GMEB1: variants seen among roughly 807,000 people sequenced by gnomAD.
GMEB1 encodes glucocorticoid modulatory element binding protein 1.
Under a neutral mutation model 52.4 loss-of-function variants are expected in GMEB1, and 6 were observed. That is an observed-to-expected ratio of 0.11 (90% CI 0.06 to 0.23). GMEB1 has a LOEUF of 0.23. Ranked by LOEUF, GMEB1 falls within the 10% of genes least tolerant of loss-of-function variation. The probability of loss-of-function intolerance (pLI) is 1.00; values close to 1 mark genes in which losing one functional copy is unlikely to be tolerated. For synonymous variants in GMEB1, 255 were observed against 244.9 expected, an observed-to-expected ratio of 1.04 and a Z score of -0.38; for missense variants, 486 against 685.6, an observed-to-expected ratio of 0.71 and a Z score of 3.25.
chr1:28,701,691 C>T (rs1461718790), intron 6 of GMEB1, among the ~76,000 whole-genome samples: 3 of 152,086 alleles, frequency 2.0e-5, no homozygotes, highest in Non-Finnish European at 4.4e-5. Flanking sequence ...ACCTCAGCCT[C>T]CTGAGTAGCT....
intron 2 of GMEB1, among the ~76,000 whole-genome samples, chr1:28,685,884 G>C (rs867022837): frequency 1.3e-5 from 2 of 152,026 alleles, no homozygotes; most frequent in African/African-American, 4.8e-5. Flanking sequence ...ACTTGAACCC[G>C]GGAGGCGGAA....
chr1:28,694,174 G>C (rs1425642457), intron 5 of GMEB1, among the ~76,000 whole-genome samples: 4 of 151,520 alleles, frequency 2.6e-5, no homozygotes, highest in Non-Finnish European at 5.9e-5. Context: ...TGTTGACATG[G>C]TCTGTGTGTT....
intron 9 of GMEB1, among the ~76,000 whole-genome samples, chr1:28,713,856 G>A (rs1671169575): frequency 6.6e-6 from 1 of 152,062 alleles, no homozygotes; most frequent in African/African-American, 2.4e-5. Flanking sequence ...GCTATAGTGC[G>A]CAATGATAGC....
At chr1:28,670,608 G>A (rs541914914) in intron 1 of GMEB1, among the ~76,000 whole-genome samples, 60 of 152,074 alleles carry the variant, frequency 3.9e-4, no homozygotes, top group Non-Finnish European at 7.6e-4. Context: ...GATTACAGGC[G>A]TGAATCACTG....
chr1:28,691,996 A>G (rs1177241265), intron 4 of GMEB1, among the ~76,000 whole-genome samples: 1 of 146,042 alleles, frequency 6.8e-6, no homozygotes, highest in Non-Finnish European at 1.5e-5. Flanking sequence ...GCCTGGGCAA[A>G]ATGGTGAGAC....
At chr1:28,675,016 G>A (rs1337331219) in intron 1 of GMEB1, among the ~76,000 whole-genome samples, 9 of 98,284 alleles carry the variant, frequency 9.2e-5, no homozygotes, top group Non-Finnish European at 1.9e-4. Context: ...ACCGCGCCCG[G>A]CCTTTTTTTT....
rs1157094477 is a variant in GMEB1, at chr1:28,687,381, C to CAAAAAAAAAAAAAAA, written c.129-2722_129-2721insAAAAAAAAAAAAAAA. Among the ~76,000 whole-genome samples, 26 of 27,162 alleles carry CAAAAAAAAAAAAAAA rather than the reference C, an allele frequency of 9.6e-4. 11 individuals are homozygous for CAAAAAAAAAAAAAAA. Among genetic ancestry groups the CAAAAAAAAAAAAAAA allele is most frequent in the Admixed American group, 2.6e-3 (5 of 1,944 alleles). The allele number at this position is 27,162 out of a possible 152,430, so 17.8% of individuals were successfully genotyped here. ...ACACACACACACACACACACACACA[C>CAAAAAAAAAAAAAAA]ACACACAAAAAAAGACAGTGGAGAA... On this transcript the variant is annotated intron_variant, in intron 2 of 9. Coordinates refer to ENST00000373816, the MANE Select transcript of GMEB1 (RefSeq NM_001319674.2).
intron 6 of GMEB1, 56 bp downstream of exon 6, chr1:28,697,140 C>G (rs1436783203): frequency 5.9e-5 from 47 of 796,078 alleles, no homozygotes; most frequent in Non-Finnish European, 7.7e-5. Context: ...GAACTTTCCC[C>G]CTTATTTCTC....
chr1:28,716,755 A>ATTTTG lies in GMEB1; in HGVS notation c.*1997_*2001dup, dbSNP rs1553141198. On this transcript the variant is annotated 3_prime_UTR_variant, in exon 10 of 10. Coordinates refer to ENST00000373816, the MANE Select transcript of GMEB1 (RefSeq NM_001319674.2). ...TAATAATGCTTTGGGGGGGGGGGTT[A>ATTTTG]TTTTGTTTTGTTTTGTTTTTAATGT... 1 of 145,546 alleles carries ATTTTG rather than the reference A, an allele frequency of 6.9e-6. No homozygotes were observed. 9.0% of individuals were successfully genotyped at this position (145,546 alleles called of 1,614,324 possible).
At chr1:28,706,989 T>TG (rs1217831003) in intron 8 of GMEB1, among the ~76,000 whole-genome samples, 16 of 134,088 alleles carry the variant, frequency 1.2e-4, no homozygotes, top group Non-Finnish European at 1.8e-4. Flanking sequence ...TTTTTTTTTT[T>TG]TTTTTTTTTT....
At chr1:28,695,537 C>G (rs1252947115) in intron 5 of GMEB1, among the ~76,000 whole-genome samples, 2 of 151,874 alleles carry the variant, frequency 1.3e-5, no homozygotes, top group Non-Finnish European at 1.5e-5. Flanking sequence ...CGGCCCACAT[C>G]ATTTTTTTAG....
rs1292632969 is a variant in GMEB1, at chr1:28,704,389, G to C, written c.868+60G>C. 2.1e-6 allele frequency: 3 copies of C among 1,463,240 alleles called. No individual in the cohort carries two copies. In the African/African-American group the frequency reaches 4.2e-5, roughly 21 times the overall value. The allele number at this position is 1,463,240 out of a possible 1,614,324, so 90.6% of individuals were successfully genotyped here. On this transcript the variant is annotated intron_variant, in intron 8 of 9. Transcript: ENST00000373816. Reference sequence around the variant, plus strand: ...ATTGAATACTCACCTCCGTAGGCAGGTCCTGTAAGCCTTGCAAAAACCCTG... The same window carrying C: ...ATTGAATACTCACCTCCGTAGGCAGCTCCTGTAAGCCTTGCAAAAACCCTG...
chr1:28,670,447 C>T (rs527619496), intron 1 of GMEB1, among the ~76,000 whole-genome samples: 8 of 152,288 alleles, frequency 5.3e-5, no homozygotes, highest in African/African-American at 1.9e-4. Context: ...CCTGCCTCAC[C>T]CTCCCGAGTA....
chr1:28,691,469 G>A (rs1669959671), intron 3 of GMEB1, 116 bp from the exon 4 acceptor site: 4 of 586,156 alleles, frequency 6.8e-6, no homozygotes, highest in East Asian at 3.5e-5. Context: ...ATTCCTAAAT[G>A]ATACCAGCAA....
chr1:28,710,463 G>A (rs1472949139), intron 8 of GMEB1, 57 bp from the exon 9 acceptor site: 4 of 1,397,604 alleles, frequency 2.9e-6, no homozygotes, highest in Non-Finnish European at 3.8e-6. Flanking sequence ...CAGCACAATG[G>A]AGAGTGGTGG....
intron 1 of GMEB1, among the ~76,000 whole-genome samples, chr1:28,672,377 C>T (rs1480902974): frequency 6.7e-6 from 1 of 150,092 alleles, no homozygotes; most frequent in Non-Finnish European, 1.5e-5. Context: ...GCCACCACTC[C>T]CAGCTAATTT....
chr1:28,714,441 A>G lies in GMEB1; in HGVS notation c.1360A>G (p.Thr454Ala). ...CAAGAGCAGCTCACCAGACACAGTG[A>G]CCATCCACCCTTCATCTAGCTTGGC... ...SAKSSSPDTV[T>A]IHPSSSLALL... The change falls in exon 10 of 10, where the codon ACC becomes GCC. Residue 454 changes from threonine to alanine, a missense_variant. Thr to Ala is a moderately conservative substitution (Grantham distance 58). Transcript: ENST00000373816. 1 of 1,614,230 alleles carries G rather than the reference A, an allele frequency of 6.2e-7. No individual in the cohort carries two copies. The highest frequency in any genetic ancestry group is 8.5e-7 in the Non-Finnish European group (1 of 1,180,036).
At chr1:28,697,324 T>G (rs1467967977) in intron 6 of GMEB1, among the ~76,000 whole-genome samples, 2 of 151,836 alleles carry the variant, frequency 1.3e-5, no homozygotes, top group African/African-American at 4.8e-5. Context: ...TTCTCCTGCC[T>G]CAGCCTCCTG....
rs145184905 is a variant in GMEB1 at position 28,699,677 on chromosome 1, A to G, written c.598+2593A>G. Among the ~76,000 whole-genome samples the G allele has an allele frequency of 3.3e-3, 503 of 150,412 alleles. 3 individuals carry two copies. Among genetic ancestry groups the G allele is most frequent in the African/African-American group, 0.012 (486 of 40,970 alleles). The stretch of plus-strand genomic sequence containing the variant: ...ACTCCTGACTTGAGGTGATCCACCC[A>G]CCTCAGCCTCCCAAAGTGCTAGAGT... On this transcript the variant is annotated intron_variant, in intron 6 of 9. Coordinates refer to ENST00000373816, the MANE Select transcript of GMEB1 (RefSeq NM_001319674.2).
Sources: allele counts gnomAD v4.1 joint callset (sites outside exome capture counted in the v4.1 genomes callset), GRCh38; gene constraint gnomAD v4.1.1; transcripts MANE v1.5; gene names NCBI Gene and HGNC (gene_info 2026-07-23, HGNC 2026-07-21).